Variants in ZRSR2 observed in about 807,000 individuals in gnomAD.
The protein encoded by ZRSR2 is zinc finger CCCH-type, RNA binding motif and serine/arginine rich 2, also known as U2 small nuclear ribonucleoprotein auxiliary factor 35 kDa subunit-related protein 2.
A neutral mutation model predicts 39.4 loss-of-function variants in ZRSR2; 3 were observed. The observed-to-expected ratio is 0.08, with a 90% CI of 0.03 to 0.20. The LOEUF (loss-of-function observed/expected upper bound fraction) is 0.20, where lower values mean the gene tolerates loss of function less well. ZRSR2 is among the 10% of genes least tolerant of loss of function. ZRSR2 has a pLI of 1.00. For synonymous variants in ZRSR2, 137 were observed against 136.0 expected, an observed-to-expected ratio of 1.01 and a Z score of -0.05; for missense variants, 256 against 391.5, an observed-to-expected ratio of 0.65 and a Z score of 2.92.
At chrX:15,804,314 A>T in intron 5 of ZRSR2, 117 bp downstream of exon 5, 2 of 1,055,335 alleles carry the variant, frequency 1.9e-6, no homozygotes, top group Non-Finnish European at 2.5e-6. Flanking sequence ...GTTTGGAAAG[A>T]ATCATATTTC....
chrX:15,823,214 G>A lies in ZRSR2; in HGVS notation c.1421G>A (p.Arg474Lys). 8.5e-7 allele frequency: 1 copy of A among 1,170,159 alleles called. No homozygotes were observed. Among genetic ancestry groups the A allele is most frequent in the Non-Finnish European group, 1.1e-6 (1 of 876,752 alleles). ...RGRRRSGNRD[R>K]TVQSPKSK ...AGGAGGAGGTCGGGTAATAGAGACA[G>A]AACTGTTCAGAGTCCCAAATCCAAA... is the stretch of plus-strand genomic sequence containing the variant. Residue 474 changes from arginine to lysine, a missense_variant, in exon 11 of 11, where the codon AGA becomes AAA. Physicochemically the swap from Arg to Lys is conservative, Grantham distance 26 (BLOSUM62 2). Around this residue, in one of 3 missense-constraint regions of ZRSR2, gnomAD observed 111 missense variants for 116.7 expected, o/e 0.95. Transcript: ENST00000307771.
chrX:15,808,579 G>A (rs1445852518), intron 6 of ZRSR2, among the ~76,000 whole-genome samples: 1 of 109,502 alleles, frequency 9.1e-6, no homozygotes, highest in Non-Finnish European at 1.9e-5. Flanking sequence ...TCTGTCTGTG[G>A]TGGTTCCCTA....
chrX:15,792,938 A>G (rs970568834), intron 2 of ZRSR2, among the ~76,000 whole-genome samples: 2 of 112,158 alleles, frequency 1.8e-5, no homozygotes, highest in African/African-American at 6.5e-5. Flanking sequence ...TTTATTTACC[A>G]TTGGTGTTCC....
intron 4 of ZRSR2, 107 bp downstream of exon 4, chrX:15,803,903 A>G (rs1467656561): frequency 2.9e-6 from 3 of 1,039,727 alleles, no homozygotes; most frequent in East Asian, 3.4e-5. Flanking sequence ...AGATCACGCC[A>G]TTGCACTCCA....
chrX:15,806,200 G>A (rs1309356568), intron 5 of ZRSR2, among the ~76,000 whole-genome samples: 1 of 104,664 alleles, frequency 9.6e-6, no homozygotes, highest in Non-Finnish European at 2.0e-5. Flanking sequence ...GGTTGCTGAG[G>A]GAGAGGGGGC....
At chrX:15,797,429 C>T (rs1334985571) in intron 2 of ZRSR2, among the ~76,000 whole-genome samples, 3 of 110,316 alleles carry the variant, frequency 2.7e-5, no homozygotes, top group Non-Finnish European at 3.8e-5. Flanking sequence ...AGGCTGGTCT[C>T]GAACTCCTGA....
At chrX:15,804,525 C>T (rs916966270) in intron 5 of ZRSR2, among the ~76,000 whole-genome samples, 2 of 111,213 alleles carry the variant, frequency 1.8e-5, no homozygotes, top group Non-Finnish European at 3.8e-5. Context: ...GCCAGTGTAC[C>T]CTGAAAGCAG....
intron 2 of ZRSR2, among the ~76,000 whole-genome samples, chrX:15,792,137 T>C (rs1360234956): frequency 9.0e-6 from 1 of 111,533 alleles, no homozygotes; most frequent in Non-Finnish European, 1.9e-5. Context: ...AAACAATATA[T>C]GGGCTGGGCG....
At chrX:15,817,578 A>C (rs936465770) in intron 8 of ZRSR2, among the ~76,000 whole-genome samples, 1 of 112,042 alleles carries the variant, frequency 8.9e-6, no homozygotes, top group Non-Finnish European at 1.9e-5. Context: ...ATTCACACCT[A>C]TCAGGCAAAA....
At chrX:15,808,129 T>A in intron 5 of ZRSR2, 104 bp from the exon 6 acceptor site, 1 of 672,731 alleles carries the variant, frequency 1.5e-6, no homozygotes, top group Admixed American at 2.4e-5. Context: ...CTTGTGTGCG[T>A]GTGTGTGTTT....
chrX:15,790,664 G>T, intron 1 of ZRSR2, 128 bp downstream of exon 1: 1 of 957,614 alleles, frequency 1.0e-6, no homozygotes. Context: ...TTCCTTCCTG[G>T]TGCGCGCTCT....
At chrX:15,815,568 A>G (rs1932956168) in intron 7 of ZRSR2, 109 bp from the exon 8 acceptor site, 1 of 659,177 alleles carries the variant, frequency 1.5e-6, no homozygotes, top group Non-Finnish European at 2.3e-6. Flanking sequence ...CGGCCTCCCA[A>G]AGTGTTGGGA....
chrX:15,806,985 T>C (rs1932794950), intron 5 of ZRSR2, among the ~76,000 whole-genome samples: 1 of 111,814 alleles, frequency 8.9e-6, no homozygotes, highest in Admixed American at 9.5e-5. Context: ...CAGGTGGATG[T>C]GGGCCAGGGA....
intron 3 of ZRSR2, chrX:15,801,207 A>T (rs1932659807): frequency 7.3e-6 from 1 of 136,561 alleles, no homozygotes; most frequent in Non-Finnish European, 1.5e-5. Context: ...CTCTTTTGGG[A>T]TACATGTTTT....
intron 2 of ZRSR2, among the ~76,000 whole-genome samples, chrX:15,795,965 A>G (rs1932440268): frequency 9.0e-6 from 1 of 111,722 alleles, no homozygotes; most frequent in Non-Finnish European, 1.9e-5. Context: ...TGCTAAAAAT[A>G]CAAAAAGTAG....
At chrX:15,815,640 T>C in intron 7 of ZRSR2, 37 bp from the exon 8 acceptor site, 4 of 1,115,066 alleles carry the variant, frequency 3.6e-6, no homozygotes, top group Non-Finnish European at 4.9e-6. Context: ...TTTTCAACTA[T>C]TGGCCTAGTG....
intron 1 of ZRSR2, 196 bp downstream of exon 1, chrX:15,790,732 A>G: frequency 1.5e-6 from 1 of 646,568 alleles, no homozygotes. Flanking sequence ...GGAGAGGATC[A>G]GGTTGGCGGA....
intron 10 of ZRSR2, among the ~76,000 whole-genome samples, chrX:15,821,161 A>G (rs1427915840): frequency 1.8e-5 from 2 of 111,219 alleles, no homozygotes; most frequent in Non-Finnish European, 3.8e-5. Flanking sequence ...ATTCCTGGCT[A>G]AGGGAAACCA....
At chrX:15,803,925 A>G (rs1932751091) in intron 4 of ZRSR2, 129 bp downstream of exon 4, 1 of 994,765 alleles carries the variant, frequency 1.0e-6, no homozygotes, top group Non-Finnish European at 1.3e-6. Flanking sequence ...CCTGGGCAGC[A>G]AGAGCGGAAC....
Sources: allele counts gnomAD v4.1 joint callset (sites outside exome capture counted in the v4.1 genomes callset), GRCh38; gene constraint gnomAD v4.1.1; regional missense constraint gnomAD v4.1.1; transcripts MANE v1.5; gene names NCBI Gene and HGNC (gene_info 2026-07-23, HGNC 2026-07-21).